USP6: variants seen among roughly 807,000 people sequenced by gnomAD.
The protein encoded by USP6 is ubiquitin carboxyl-terminal hydrolase 6.
In USP6, 128 loss-of-function variants were observed where a neutral mutation model predicts 175.7. The observed-to-expected ratio is 0.73, with a 90% CI of 0.63 to 0.84. The LOEUF is 0.84. USP6 is among the 40% of genes least tolerant of loss of function. The pLI, the probability that USP6 is intolerant of heterozygous loss-of-function variation, is 0.00. For missense variants in USP6, 1,498 were observed against 1,760.3 expected, an observed-to-expected ratio of 0.85 and a Z score of 2.67; for synonymous variants, 562 against 630.6, an observed-to-expected ratio of 0.89 and a Z score of 1.63.
In USP6 at chr17:5,132,538, G is replaced by A. The variant is rs1180745362; in HGVS notation, c.195+103G>A. The A allele has an allele frequency of 5.0e-6, 8 of 1,589,318 alleles. No individual in the cohort carries two copies. Among genetic ancestry groups the A allele is most frequent in the Admixed American group, 1.7e-5 (1 of 59,948 alleles). On this transcript the variant is annotated intron_variant, in intron 12 of 37. Coordinates refer to ENST00000574788, the MANE Select transcript of USP6 (RefSeq NM_001304284.2). The surrounding 1 kb of genome is among the most constrained non-coding windows in gnomAD (Gnocchi z 4.7). ...CTGGCCTGGGCGGTGGCGGGTGAGG[G>A]CAACACGCTGTCACTGGGAGGGGCA...
Position 5,129,127 on chromosome 17 carries a change from T to G in USP6, c.-162T>G, listed in dbSNP as rs1327853342. 1 of 152,426 alleles carries G rather than the reference T, an allele frequency of 6.6e-6. No homozygotes were observed. The highest frequency in any genetic ancestry group is 1.5e-5 in the Non-Finnish European group (1 of 68,068). The allele number at this position is 152,426 out of a possible 1,614,324, so 9.4% of individuals were successfully genotyped here. ...GGGTGCTGTTCCCGAATGTACCCAT[T>G]CGACAGGTGAGCCGTCTGGGGTCAG... On this transcript the variant is annotated 5_prime_UTR_variant, in exon 8 of 38. The change creates a new upstream start codon in the 5' untranslated region. Coordinates refer to ENST00000574788, the MANE Select transcript of USP6 (RefSeq NM_001304284.2).
At chr17:5,159,940 G>C (rs1225640268) in intron 31 of USP6, among the ~76,000 whole-genome samples, 1 of 149,240 alleles carries the variant, frequency 6.7e-6, no homozygotes, top group Non-Finnish European at 1.5e-5. Context: ...CTCCAGCCTG[G>C]GCAACAGAGT....
intron 30 of USP6, among the ~76,000 whole-genome samples, chr17:5,153,765 C>T (rs1052617007): frequency 3.9e-5 from 6 of 152,124 alleles, no homozygotes; most frequent in Non-Finnish European, 8.8e-5. Flanking sequence ...AAGTGATTCT[C>T]CTGCCTCAGC....
chr17:5,139,548 C>T lies in USP6; in HGVS notation c.1372C>T (p.Pro458Ser), dbSNP rs1405968179. The T allele has an allele frequency of 6.2e-7, 1 of 1,613,738 alleles. No individual in the cohort carries two copies. The highest frequency in any genetic ancestry group is 8.5e-7 in the Non-Finnish European group (1 of 1,180,038). Residue 458 changes from proline (P) to serine (S), a missense_variant, in exon 22 of 38, where the codon CCA (proline) becomes TCA (serine). Pro to Ser is a moderately conservative substitution (Grantham distance 74). Transcript: ENST00000574788. ...GGAGTGGAAGTCAATGCCCCGGCTC[C>T]CAACGGACCTGGATATAGGGGGCCC... ...FLEWKSMPRL[P>S]TDLDIGGPWF... is the part of the protein sequence containing the mutation.
chr17:5,128,839 A>G (rs1177279977), intron 7 of USP6, 113 bp from the exon 8 acceptor site: 1 of 152,682 alleles, frequency 6.5e-6, no homozygotes. Context: ...ACACACACGC[A>G]GTGGTATTCA....
chr17:5,135,235 C>G lies in USP6; in HGVS notation c.496C>G (p.Gln166Glu). 4 of 1,612,742 alleles carry G rather than the reference C, an allele frequency of 2.5e-6. No individual in the cohort carries two copies. The highest frequency in any genetic ancestry group is 3.4e-6 in the Non-Finnish European group (4 of 1,179,032). ...TAGCCCCCTTTCTGTGTTTCCTAGG[C>G]AGAGGGAACTATTCTACATCCTCCT... ...VFFRDRYGAK[Q>E]RELFYILLAY... Residue 166 changes from glutamine to glutamate, a missense_variant and splice_region_variant, in exon 16 of 38, where the codon CAG becomes GAG. Physicochemically the swap from Gln to Glu is conservative, Grantham distance 29. This residue lies in a region of USP6 where 281 missense variants were observed against 259.6 expected (regional missense o/e 1.08). Coordinates refer to ENST00000574788, the MANE Select transcript of USP6 (RefSeq NM_001304284.2).
intron 25 of USP6, among the ~76,000 whole-genome samples, chr17:5,143,151 C>T (rs950078856): frequency 1.5e-4 from 23 of 152,316 alleles, no homozygotes; most frequent in African/African-American, 5.3e-4. Context: ...GCCCCCTGCC[C>T]GGCCAGCCGC....
rs746973420 is a variant in USP6, at chr17:5,144,656, G to A, written c.1819-34G>A. 4.8e-5 allele frequency: 77 copies of A among 1,607,300 alleles called. No individual in the cohort carries two copies. In the Admixed American group the frequency reaches 7.5e-4, roughly 16 times the overall value. ...TGTTCATTCCAAATTTTATGGGTAG[G>A]AAATAATGACTGTGACTTCTCTTAT... On this transcript the variant is annotated intron_variant, in intron 25 of 37. Coordinates refer to ENST00000574788, the MANE Select transcript of USP6 (RefSeq NM_001304284.2).
At position 5,147,220 on chromosome 17, in the gene USP6, C is replaced by T. The variant is rs376361134; in HGVS notation, c.2431+26C>T. On this transcript the variant is annotated intron_variant, in intron 29 of 37. Transcript: ENST00000574788. ...GTAAGATAGAACTAGAACTCCTTCT[C>T]ATGACTGCACCTTTAAATATTTGTC... is the stretch of plus-strand genomic sequence containing the variant. 523 of 1,573,542 alleles carry T rather than the reference C, an allele frequency of 3.3e-4. 1 individual carries two copies. The highest frequency in any genetic ancestry group is 5.0e-4 in the Middle Eastern group (3 of 5,974).
intron 30 of USP6, among the ~76,000 whole-genome samples, chr17:5,152,241 CAAAA>C (rs61685863): frequency 0.01 from 944 of 90,142 alleles, 2 homozygotes; most frequent in Middle Eastern, 0.018. Flanking sequence ...GACTCCGTCT[CAAAA>C]AAAAAAAAAA....
At chr17:5,135,197 A>G in intron 15 of USP6, 37 bp from the exon 16 acceptor site, 1 of 1,609,188 alleles carries the variant, frequency 6.2e-7, no homozygotes, top group Non-Finnish European at 8.5e-7. Context: ...CAGCATCTGC[A>G]CAAACCAAAC....
rs1377144239 is a variant in USP6, at chr17:5,121,663, A to G, written c.-1386A>G. On this transcript the variant is annotated 5_prime_UTR_variant, in exon 4 of 38. The change abolishes an upstream ATG in the 5' untranslated region. Transcript: ENST00000574788. ...TGCTGCGACGCGGAGCACCAGGACC[A>G]TGAGCACCAGGTCCTTCTGGACGTG... 1.3e-4 allele frequency: 21 copies of G among 159,932 alleles called. No homozygotes were observed. The South Asian group carries it at 2.9e-3, about 22-fold the overall frequency. The allele number at this position is 159,932 out of a possible 1,614,324, so 9.9% of individuals were successfully genotyped here. A position where few individuals can be genotyped will look rare whatever the true frequency, so the allele number is the denominator to read the frequency against.
chr17:5,158,898 A>G (rs1289134263), intron 31 of USP6, among the ~76,000 whole-genome samples: 2 of 152,178 alleles, frequency 1.3e-5, no homozygotes, highest in Non-Finnish European at 2.9e-5. Flanking sequence ...ACGTTAAGAA[A>G]GGTAGCCAGG....
rs988660918 is a variant in USP6 at position 5,132,655 on chromosome 17, G to T, written c.195+220G>T. On this transcript the variant is annotated intron_variant, in intron 12 of 37. Transcript: ENST00000574788. The surrounding 1 kb of genome is among the most constrained non-coding windows in gnomAD (Gnocchi z 4.7). ...GTCCTGGCTTGGGGGGTGGCTGCGC[G>T]CTTGTGTCAGGACCCCACCTAGAGG... Among the ~76,000 whole-genome samples the T allele has an allele frequency of 6.6e-6, 1 of 152,172 alleles. No individual in the cohort carries two copies. Among genetic ancestry groups the T allele is most frequent in the Non-Finnish European group, 1.5e-5 (1 of 68,028 alleles).
In USP6 at chr17:5,155,461, C is replaced by T. The variant is rs367633247; in HGVS notation, c.2683C>T (p.Arg895Cys). ...GTATTTCCTGTCACCTCAGGAGAAT[C>T]GCCCCAGCCTCTTTGGAATGCCATT... is the stretch of plus-strand genomic sequence containing the variant. ...ELYFLSPQEN[R>C]PSLFGMPLIV... Residue 895 changes from arginine to cysteine, a missense_variant, in exon 31 of 38, where the codon CGC becomes TGC. Coordinates refer to ENST00000574788, the MANE Select transcript of USP6 (RefSeq NM_001304284.2). 1.3e-4 allele frequency: 206 copies of T among 1,614,044 alleles called. No homozygotes were observed. In the East Asian group the frequency reaches 3.5e-3, roughly 27 times the overall value.
chr17:5,122,081 T>C (rs948329605), intron 4 of USP6, among the ~76,000 whole-genome samples: 4 of 139,028 alleles, frequency 2.9e-5, no homozygotes, highest in Non-Finnish European at 6.1e-5. Context: ...GCCAGAGAGA[T>C]GTGTCAGGGG....
Position 5,173,272 on chromosome 17 carries a change from T to G in USP6, c.*294T>G. 2.8e-6 allele frequency: 1 copy of G among 362,598 alleles called. No individual in the cohort carries two copies. Among genetic ancestry groups the G allele is most frequent in the East Asian group, 4.4e-5 (1 of 22,514 alleles). The allele number at this position is 362,598 out of a possible 1,614,324, so 22.5% of individuals were successfully genotyped here. On this transcript the variant is annotated 3_prime_UTR_variant, in exon 38 of 38. Coordinates refer to ENST00000574788, the MANE Select transcript of USP6 (RefSeq NM_001304284.2). The stretch of plus-strand genomic sequence containing the variant: ...GAATTGAATTGTGCTTGTCCAGATA[T>G]GAACAAATATGTAGTGAGTATAGAG...
At chr17:5,152,775 T>C (rs1212044635) in intron 30 of USP6, among the ~76,000 whole-genome samples, 2 of 152,096 alleles carry the variant, frequency 1.3e-5, no homozygotes, top group African/African-American at 2.4e-5. Context: ...GGTGGGCTGA[T>C]TGCTTGAGCC....
chr17:5,160,653 G>C (rs2073986975), intron 31 of USP6, among the ~76,000 whole-genome samples: 1 of 152,164 alleles, frequency 6.6e-6, no homozygotes, highest in Non-Finnish European at 1.5e-5. Context: ...TTGGTTCCAA[G>C]TCTTTGCTAT....
Sources: allele counts gnomAD v4.1 joint callset (sites outside exome capture counted in the v4.1 genomes callset), GRCh38; gene constraint gnomAD v4.1.1; regional missense constraint gnomAD v4.1.1; non-coding constraint Gnocchi (gnomAD v3.1); transcripts MANE v1.5; gene names NCBI Gene and HGNC (gene_info 2026-07-23, HGNC 2026-07-21).